ACSL1: variants seen among roughly 807,000 people sequenced by gnomAD.
ACSL1 encodes long-chain-fatty-acid--CoA ligase 1.
ACSL1 carries 41 observed loss-of-function variants against 98.4 expected under a neutral mutation model. The ratio of observed to expected loss-of-function variants is 0.42; its 90% CI spans 0.32 to 0.54. The LOEUF is 0.54. Ranked by LOEUF, ACSL1 falls within the 20% of genes least tolerant of loss-of-function variation. The probability of loss-of-function intolerance (pLI) is 0.13; values close to 1 mark genes in which losing one functional copy is unlikely to be tolerated. For missense variants in ACSL1, 734 were observed against 883.1 expected (o/e 0.83, Z 2.14); for synonymous variants, 316 against 322.7 (o/e 0.98, Z 0.22).
chr4:184,791,096 G>A (rs1392952150), intron 2 of ACSL1, among the ~76,000 whole-genome samples: 1 of 152,220 alleles, frequency 6.6e-6, no homozygotes, highest in Non-Finnish European at 1.5e-5. Flanking sequence ...CCGCCCACAG[G>A]GAGGTCCTCA....
chr4:184,796,835 T>C (rs1400795335), intron 2 of ACSL1, among the ~76,000 whole-genome samples: 1 of 152,224 alleles, frequency 6.6e-6, no homozygotes, highest in African/African-American at 2.4e-5. Context: ...ATTTATTAGG[T>C]CATATTTACA....
chr4:184,765,941 G>A lies in ACSL1; in HGVS notation c.1309C>T (p.Pro437Ser). 6.2e-7 allele frequency: 1 copy of A among 1,614,030 alleles called. No individual in the cohort carries two copies. The highest frequency in any genetic ancestry group is 8.5e-7 in the Non-Finnish European group (1 of 1,179,984). Residue 437 changes from proline to serine, a missense_variant, in exon 14 of 21, where the codon CCG (proline) becomes TCG (serine). Transcript: ENST00000281455. ...RVRLMVTGAA[P>S]VSATVLTFLR... ...AACGTCAGCACAGTGGCAGACACCG[G>A]GGCGGCTCCTGTCACCATCAGCCGG...
chr4:184,802,188 T>C (rs1770637574), intron 2 of ACSL1, among the ~76,000 whole-genome samples: 1 of 152,252 alleles, frequency 6.6e-6, no homozygotes, highest in Non-Finnish European at 1.5e-5. Context: ...TATATTTATA[T>C]TTTGGCATGA....
chr4:184,810,358 T>C (rs1275058137), intron 1 of ACSL1, among the ~76,000 whole-genome samples: 1 of 152,192 alleles, frequency 6.6e-6, no homozygotes, highest in African/African-American at 2.4e-5. Flanking sequence ...CCTCATACTA[T>C]GACAGCCTTG....
At position 184,825,699 on chromosome 4, in the gene ACSL1, C is replaced by A. The variant is rs1183252712; in HGVS notation, c.-33+217G>T. Among the ~76,000 whole-genome samples the A allele has an allele frequency of 3.9e-4, 58 of 149,914 alleles. No homozygotes were observed. Among genetic ancestry groups the A allele is most frequent in the East Asian group, 1.9e-4 (1 of 5,134 alleles). On this transcript the variant is annotated intron_variant, in intron 1 of 20. Coordinates refer to ENST00000281455, the MANE Select transcript of ACSL1 (RefSeq NM_001995.5). This position sits in a 1 kb window ranked among gnomAD's most constrained non-coding sequence, Gnocchi z 4.7. ...TCAGACACAGGAAGCTGCGGCAGCA[C>A]GGGCACCCCGGAGGCCTCCGGCTGC...
At chr4:184,800,749 C>T (rs937999087) in intron 2 of ACSL1, among the ~76,000 whole-genome samples, 5 of 152,218 alleles carry the variant, frequency 3.3e-5, no homozygotes, top group African/African-American at 1.2e-4. Context: ...ACTTAAGAAA[C>T]ACTTTTTGGA....
chr4:184,812,023 G>C (rs1287455646), intron 1 of ACSL1: 1 of 271,592 alleles, frequency 3.7e-6, no homozygotes, highest in African/African-American at 2.3e-5. Flanking sequence ...CATGTGGGAG[G>C]AGGCGGCGGT....
rs561049402 is a variant in ACSL1, at chr4:184,766,102, C to T, written c.1264-116G>A. On this transcript the variant is annotated intron_variant, in intron 13 of 20. Coordinates refer to ENST00000281455, the MANE Select transcript of ACSL1 (RefSeq NM_001995.5). The surrounding 1 kb of genome is among the most constrained non-coding windows in gnomAD (Gnocchi z 4.8). ...CCCTAACCCATAGCTGCAGACCACA[C>T]GGAGGCCACACGGAGAACTCACAGC... 2.2e-4 allele frequency: 199 copies of T among 894,072 alleles called. 2 individuals are homozygous for T. The highest frequency in any genetic ancestry group is 7.0e-4 in the South Asian group (44 of 62,968). The allele number at this position is 894,072 out of a possible 1,614,324, so 55.4% of individuals were successfully genotyped here.
chr4:184,811,296 T>G (rs368839406), intron 1 of ACSL1, among the ~76,000 whole-genome samples: 9 of 151,818 alleles, frequency 5.9e-5, no homozygotes, highest in Non-Finnish European at 4.4e-5. Flanking sequence ...GTATTTTTAG[T>G]AGAGACGGGG....
At chr4:184,797,781 C>T (rs899675124) in intron 2 of ACSL1, among the ~76,000 whole-genome samples, 1 of 152,206 alleles carries the variant, frequency 6.6e-6, no homozygotes, top group Non-Finnish European at 1.5e-5. Flanking sequence ...TCCTGCTGGC[C>T]TGGAGCTCCC....
At chr4:184,808,248 C>G in intron 1 of ACSL1, 1 of 908,790 alleles carries the variant, frequency 1.1e-6, no homozygotes, top group Non-Finnish European at 1.3e-6. Flanking sequence ...CATACACACA[C>G]ACACACACAC....
intron 1 of ACSL1, among the ~76,000 whole-genome samples, chr4:184,804,073 C>CG (rs1287466522): frequency 1.3e-5 from 2 of 152,348 alleles, no homozygotes; most frequent in South Asian, 4.1e-4. Flanking sequence ...ATTTCACCTT[C>CG]TGTACTCCTC....
intron 11 of ACSL1, among the ~76,000 whole-genome samples, chr4:184,769,070 A>AATATACAT: frequency 6.8e-6 from 1 of 147,742 alleles, no homozygotes; most frequent in Non-Finnish European, 1.5e-5. Context: ...CTCTGTCTCA[A>AATATACAT]ATATATATAT....
At chr4:184,782,895 G>A (rs199928090) in intron 4 of ACSL1, among the ~76,000 whole-genome samples, 4 of 152,290 alleles carry the variant, frequency 2.6e-5, no homozygotes, top group East Asian at 1.9e-4. Flanking sequence ...GTGTGGCTCC[G>A]AGGCTGCAGA....
At chr4:184,789,088 C>T (rs920005414) in intron 2 of ACSL1, among the ~76,000 whole-genome samples, 2 of 152,254 alleles carry the variant, frequency 1.3e-5, no homozygotes, top group Non-Finnish European at 2.9e-5. Flanking sequence ...CCCCTCTAGG[C>T]GGCCACCTGC....
chr4:184,820,607 C>CT (rs200732577), intron 1 of ACSL1, among the ~76,000 whole-genome samples: 2,872 of 151,464 alleles, frequency 0.019, 106 homozygotes, highest in African/African-American at 0.065. Flanking sequence ...CTGGAACTTT[C>CT]TTTTTTTTTC....
At chr4:184,778,771 T>C (rs771237109) in intron 5 of ACSL1, among the ~76,000 whole-genome samples, 1 of 152,210 alleles carries the variant, frequency 6.6e-6, no homozygotes, top group Non-Finnish European at 1.5e-5. Flanking sequence ...CTATTTCTTA[T>C]TTGTTTTGCA....
rs1269271504 is a variant in ACSL1, at chr4:184,768,457, G to T, written c.994-7C>A. 1.9e-6 allele frequency: 3 copies of T among 1,602,030 alleles called. No individual in the cohort carries two copies. The highest frequency in any genetic ancestry group is 2.6e-6 in the Non-Finnish European group (3 of 1,176,394). ...CATGACACAGCATTACACACTATAG[G>T]GGTAATGGAAAAAACAAACATTTTA... is the stretch of plus-strand genomic sequence containing the variant. On this transcript the variant is annotated splice_region_variant and splice_polypyrimidine_tract_variant and intron_variant, in intron 11 of 20. Transcript: ENST00000281455.
At chr4:184,777,866 C>T (rs1395003843) in intron 5 of ACSL1, among the ~76,000 whole-genome samples, 3 of 152,060 alleles carry the variant, frequency 2.0e-5, no homozygotes, top group East Asian at 1.9e-4. Context: ...GTAGTGAGAG[C>T]GATCTGACTG....
Sources: gnomAD v4.1 joint callset for allele counts (sites outside exome capture counted in the v4.1 genomes callset) on GRCh38, gnomAD v4.1.1 for gene constraint, Gnocchi (gnomAD v3.1) non-coding constraint, MANE v1.5 for transcripts, NCBI Gene and HGNC (gene_info 2026-07-23, HGNC 2026-07-21) for gene names.